The following SAMMSON variants were observed in gnomAD, a reference collection of about 807,000 sequenced individuals.
SAMMSON encodes survival associated mitochondrial melanoma specific oncogenic non-coding RNA.
intron 6 of SAMMSON, among the ~76,000 whole-genome samples, chr3:70,263,010 T>C (rs1608097): frequency 0.13 from 19,225 of 152,236 alleles, 1,312 homozygotes; most frequent in East Asian, 0.23. Flanking sequence ...ATTTTAGGTA[T>C]TGCATTTCTC....
chr3:70,290,481 T>C (rs1200620221), intron 6 of SAMMSON, among the ~76,000 whole-genome samples: 2 of 152,200 alleles, frequency 1.3e-5, no homozygotes, highest in East Asian at 3.9e-4. Context: ...GACAGGGACA[T>C]TTAAGTCTGC....
At chr3:70,218,826 A>G (rs182645682) in intron 4 of SAMMSON, among the ~76,000 whole-genome samples, 3 of 152,290 alleles carry the variant, frequency 2.0e-5, no homozygotes, top group Admixed American at 2.0e-4. Context: ...CGAAAGACCT[A>G]CAGTTTGCTC....
intron 4 of SAMMSON, among the ~76,000 whole-genome samples, chr3:70,109,902 T>A (rs2067381540): frequency 6.6e-6 from 1 of 152,246 alleles, no homozygotes; most frequent in Admixed American, 6.5e-5. Context: ...AGCAAATATT[T>A]ATTGTGCAAC....
At chr3:70,271,379 A>T (rs754139867) in intron 6 of SAMMSON, among the ~76,000 whole-genome samples, 1 of 152,200 alleles carries the variant, frequency 6.6e-6, no homozygotes, top group Non-Finnish European at 1.5e-5. Flanking sequence ...TCACTGGTGG[A>T]ACTCCAATGG....
intron 4 of SAMMSON, among the ~76,000 whole-genome samples, chr3:70,143,264 C>T (rs1013012787): frequency 1.3e-5 from 2 of 150,510 alleles, no homozygotes; most frequent in Admixed American, 6.6e-5. Flanking sequence ...AGTCTTTCAA[C>T]TGGCACTAGG....
intron 4 of SAMMSON, among the ~76,000 whole-genome samples, chr3:70,111,857 A>T (rs1265488082): frequency 6.6e-6 from 1 of 152,114 alleles, no homozygotes. Context: ...GAGACAGAGA[A>T]CGAGAAAGAA....
intron 3 of SAMMSON, chr3:70,015,290 C>T (rs1445288992): frequency 2.0e-5 from 3 of 151,574 alleles, no homozygotes; most frequent in Non-Finnish European, 4.4e-5. Flanking sequence ...CAAAAAAAAC[C>T]AAACCAACAA....
intron 4 of SAMMSON, among the ~76,000 whole-genome samples, chr3:70,244,668 G>A (rs1433823352): frequency 2.0e-5 from 3 of 152,136 alleles, no homozygotes; most frequent in Non-Finnish European, 4.4e-5. Context: ...TAGAATAATA[G>A]ACTCAAATTT....
chr3:70,243,349 T>C (rs1014335147), intron 4 of SAMMSON, among the ~76,000 whole-genome samples: 1 of 152,188 alleles, frequency 6.6e-6, no homozygotes, highest in Non-Finnish European at 1.5e-5. Context: ...GGGTTGTATT[T>C]GGCTCAACTG....
At chr3:70,012,958 CTG>C (rs2066964253) in intron 2 of SAMMSON, among the ~76,000 whole-genome samples, 1 of 152,140 alleles carries the variant, frequency 6.6e-6, no homozygotes, top group Non-Finnish European at 1.5e-5. Context: ...AAGAAGATAA[CTG>C]TGATCAATAA....
chr3:70,153,186 G>T (rs1452747155), intron 4 of SAMMSON, among the ~76,000 whole-genome samples: 2 of 151,792 alleles, frequency 1.3e-5, no homozygotes, highest in African/African-American at 4.8e-5. Flanking sequence ...TCAATGAAGT[G>T]TTTTTTTAAT....
intron 4 of SAMMSON, among the ~76,000 whole-genome samples, chr3:70,232,338 C>A (rs1035465618): frequency 6.6e-6 from 1 of 152,048 alleles, no homozygotes; most frequent in Non-Finnish European, 1.5e-5. Flanking sequence ...GATCAGTGCA[C>A]ATGTGTCGAA....
chr3:70,067,703 G>T (rs1411638171), intron 3 of SAMMSON, among the ~76,000 whole-genome samples: 2 of 152,064 alleles, frequency 1.3e-5, no homozygotes, highest in African/African-American at 4.8e-5. Flanking sequence ...TTTGAAATAA[G>T]ATAAGCTGCA....
chr3:70,008,982 A>T (rs1342693490), intron 1 of SAMMSON: 1 of 152,164 alleles, frequency 6.6e-6, no homozygotes, highest in African/African-American at 2.4e-5. Context: ...CATCCCAGGG[A>T]TGAAGCCCAC....
At chr3:70,183,175 G>A (rs573399022) in intron 4 of SAMMSON, among the ~76,000 whole-genome samples, 3 of 152,266 alleles carry the variant, frequency 2.0e-5, no homozygotes, top group African/African-American at 7.2e-5. Flanking sequence ...TGAAATCCAC[G>A]TTTCAGCAGA....
chr3:70,007,771 T>C (rs2107575555), intron 1 of SAMMSON, among the ~76,000 whole-genome samples: 1 of 152,342 alleles, frequency 6.6e-6, no homozygotes, highest in East Asian at 1.9e-4. Flanking sequence ...AGGGTTTTTA[T>C]GGCTTTAGGT....
intron 9 of SAMMSON, among the ~76,000 whole-genome samples, chr3:70,362,088 C>A (rs1475463282): frequency 1.3e-5 from 2 of 151,992 alleles, no homozygotes; most frequent in East Asian, 3.9e-4. Flanking sequence ...GTGTTAAATG[C>A]CTGTAAAGTG....
chr3:70,151,842 A>G (rs1235344994), intron 4 of SAMMSON, among the ~76,000 whole-genome samples: 1 of 151,992 alleles, frequency 6.6e-6, no homozygotes, highest in Non-Finnish European at 1.5e-5. Context: ...CTTTGAGTAC[A>G]TAAGTGAATT....
At chr3:70,290,323 A>G (rs1004223007) in intron 6 of SAMMSON, among the ~76,000 whole-genome samples, 4 of 149,022 alleles carry the variant, frequency 2.7e-5, no homozygotes, top group South Asian at 2.2e-4. Flanking sequence ...CCTGCAGTGT[A>G]AGGTGTCAGT....
Sources: allele counts gnomAD v4.1 joint callset (sites outside exome capture counted in the v4.1 genomes callset), GRCh38; gene constraint gnomAD v4.1.1; transcripts MANE v1.5; gene names NCBI Gene and HGNC (gene_info 2026-07-23, HGNC 2026-07-21).